AFF1: variants seen among roughly 807,000 people sequenced by gnomAD.
The protein encoded by AFF1 is AF4/FMR2 family member 1.
AFF1 carries 48 observed loss-of-function variants against 121.7 expected under a neutral mutation model. That is an observed-to-expected ratio of 0.39 (90% CI 0.31 to 0.50). The LOEUF (loss-of-function observed/expected upper bound fraction) is 0.50, where lower values mean the gene tolerates loss of function less well. Among genes scored for constraint, AFF1 ranks in the 20% least tolerant of loss-of-function variants. The pLI, the probability that AFF1 is intolerant of heterozygous loss-of-function variation, is 0.76. For missense variants in AFF1, 1,523 were observed against 1,511.7 expected (o/e 1.01, Z -0.12); for synonymous variants, 613 against 563.0 (o/e 1.09, Z -1.26).
chr4:86,974,687 T>A (rs1251684779), intron 2 of AFF1, among the ~76,000 whole-genome samples: 1 of 152,228 alleles, frequency 6.6e-6, no homozygotes, highest in Admixed American at 6.5e-5. Flanking sequence ...GCAATAGTCA[T>A]GTAAAATATT....
intron 2 of AFF1, among the ~76,000 whole-genome samples, chr4:87,038,220 A>T (rs1729761161): frequency 1.3e-5 from 2 of 152,150 alleles, no homozygotes; most frequent in South Asian, 4.2e-4. Flanking sequence ...TATTCATGTT[A>T]GTTATTGAGA....
chr4:87,055,768 C>G (rs1242596424), intron 4 of AFF1, among the ~76,000 whole-genome samples: 1 of 152,138 alleles, frequency 6.6e-6, no homozygotes, highest in Non-Finnish European at 1.5e-5. Context: ...GACCAACACT[C>G]ATGAGATATT....
At chr4:87,060,303 C>T (rs987563650) in intron 4 of AFF1, among the ~76,000 whole-genome samples, 1 of 152,096 alleles carries the variant, frequency 6.6e-6, no homozygotes, top group Non-Finnish European at 1.5e-5. Flanking sequence ...GCATCTGTCT[C>T]ATATATAGGT....
chr4:86,963,258 G>T (rs1722278829), intron 2 of AFF1, among the ~76,000 whole-genome samples: 1 of 150,266 alleles, frequency 6.7e-6, no homozygotes, highest in Admixed American at 6.6e-5. Context: ...TTTAGGTTAA[G>T]TAAATAGAAA....
At chr4:87,061,393 A>C (rs1720774229) in intron 4 of AFF1, among the ~76,000 whole-genome samples, 2 of 152,180 alleles carry the variant, frequency 1.3e-5, no homozygotes, top group Middle Eastern at 3.2e-3. Context: ...GCACAACAGG[A>C]GATTCTTCTC....
chr4:86,951,268 G>A (rs1442930773), intron 2 of AFF1, among the ~76,000 whole-genome samples: 5 of 151,832 alleles, frequency 3.3e-5, no homozygotes, highest in African/African-American at 2.4e-5. Context: ...GGTGTGCCAC[G>A]ATGTTGATTC....
chr4:87,030,542 T>G (rs1728970066), intron 2 of AFF1, among the ~76,000 whole-genome samples: 1 of 152,202 alleles, frequency 6.6e-6, no homozygotes, highest in African/African-American at 2.4e-5. Flanking sequence ...TTACCCTTCT[T>G]TAATTTTACT....
intron 2 of AFF1, among the ~76,000 whole-genome samples, chr4:87,035,419 G>T (rs1030711355): frequency 3.9e-5 from 6 of 152,128 alleles, no homozygotes; most frequent in Non-Finnish European, 8.8e-5. Flanking sequence ...AAATTAGCTG[G>T]GTGTGGTGGC....
chr4:86,957,405 TC>T (rs1270951950), intron 2 of AFF1, among the ~76,000 whole-genome samples: 1 of 152,230 alleles, frequency 6.6e-6, no homozygotes, highest in Non-Finnish European at 1.5e-5. Flanking sequence ...AGTCATGTTT[TC>T]TATGCTCTGT....
At chr4:86,978,177 C>CTTTTTTTTTTTTTGTTTTTT (rs1723452693) in intron 2 of AFF1, among the ~76,000 whole-genome samples, 1 of 39,324 alleles carries the variant, frequency 2.5e-5, no homozygotes, top group Non-Finnish European at 4.6e-5. Flanking sequence ...ATTACATTCA[C>CTTTTTTTTTTTTTGTTTTTT]TTTTTTTTTT....
At chr4:87,038,149 T>C (rs1354991593) in intron 2 of AFF1, among the ~76,000 whole-genome samples, 2 of 152,216 alleles carry the variant, frequency 1.3e-5, no homozygotes, top group Non-Finnish European at 2.9e-5. Context: ...TGAAATCAGA[T>C]TGTAAGACTT....
chr4:87,105,983 T>C (rs1725873727), intron 10 of AFF1, 138 bp downstream of exon 10: 1 of 1,112,234 alleles, frequency 9.0e-7, no homozygotes, highest in Non-Finnish European at 1.3e-6. Context: ...GGAAAGTACC[T>C]GTTTAATATT....
chr4:87,136,009 T>TA lies in AFF1; in HGVS notation c.*311dup. On this transcript the variant is annotated 3_prime_UTR_variant, in exon 21 of 21. Transcript: ENST00000395146. ...TCTAGAAACATTTCTATTTTTTTTT[T>TA]AAACCAGCAGGATACAAGTTGCAAA... The TA allele has an allele frequency of 3.5e-6, 1 of 286,558 alleles. No individual in the cohort carries two copies. Among genetic ancestry groups the TA allele is most frequent in the Non-Finnish European group, 6.5e-6 (1 of 154,656 alleles). 17.8% of individuals were successfully genotyped at this position (286,558 alleles called of 1,614,324 possible).
At chr4:87,052,971 T>A (rs1731421167) in intron 4 of AFF1, among the ~76,000 whole-genome samples, 1 of 151,966 alleles carries the variant, frequency 6.6e-6, no homozygotes, top group Non-Finnish European at 1.5e-5. Context: ...AACTAAGAAC[T>A]CTAGTTGGGT....
At chr4:87,047,631 G>A in intron 4 of AFF1, 37 bp downstream of exon 4, 4 of 1,612,952 alleles carry the variant, frequency 2.5e-6, no homozygotes, top group South Asian at 1.1e-5. Context: ...ATTCCAATTC[G>A]AAGACGGATT....
At chr4:86,974,748 C>T (rs2149483732) in intron 2 of AFF1, among the ~76,000 whole-genome samples, 1 of 152,278 alleles carries the variant, frequency 6.6e-6, no homozygotes, top group African/African-American at 2.4e-5. Context: ...ACATAAAGAG[C>T]TGTACACGGT....
In AFF1 at chr4:87,098,972, A is replaced by C. The variant is rs550968910; in HGVS notation, c.1283+4003A>C. Among the ~76,000 whole-genome samples the C allele has an allele frequency of 2.6e-5, 4 of 152,346 alleles. No homozygotes were observed. In the East Asian group the frequency reaches 7.7e-4, roughly 29 times the overall value. On this transcript the variant is annotated intron_variant, in intron 8 of 20. Coordinates refer to ENST00000395146, the MANE Select transcript of AFF1 (RefSeq NM_001166693.3). ...TAAATATTTTGGTAAAGAGCAAGGG[A>C]AGACTCATTCTGTTTATTGTAATAT...
rs748093135 is a variant in AFF1, at chr4:86,951,615, C to CTTTTTTTTTTTTTTT, written c.38+3051_38+3052insTTTTTTTTTTTTTTT. Among the ~76,000 whole-genome samples, 83 of 124,954 alleles carry CTTTTTTTTTTTTTTT rather than the reference C, an allele frequency of 6.6e-4. 2 individuals are homozygous for CTTTTTTTTTTTTTTT. The highest frequency in any genetic ancestry group is 8.5e-4 in the Non-Finnish European group (53 of 62,272). The allele number at this position is 124,954 out of a possible 152,430, so 82.0% of individuals were successfully genotyped here. The stretch of plus-strand genomic sequence containing the variant: ...GAACTTTTTTTTCTTTTTCTTTTTT[C>CTTTTTTTTTTTTTTT]TTTTTTTCTTTTTTTTTTTTTTTTT... On this transcript the variant is annotated intron_variant, in intron 2 of 20. Coordinates refer to ENST00000395146, the MANE Select transcript of AFF1 (RefSeq NM_001166693.3).
chr4:86,980,417 C>T (rs1420640778), intron 2 of AFF1, among the ~76,000 whole-genome samples: 4 of 152,078 alleles, frequency 2.6e-5, no homozygotes, highest in Non-Finnish European at 4.4e-5. Context: ...AGTTTGAGGC[C>T]GCAGTGTGCT....
Sources: allele counts gnomAD v4.1 joint callset (sites outside exome capture counted in the v4.1 genomes callset), GRCh38; gene constraint gnomAD v4.1.1; transcripts MANE v1.5; gene names NCBI Gene and HGNC (gene_info 2026-07-23, HGNC 2026-07-21).